The following SYT1 variants were observed in gnomAD, a reference collection of about 807,000 sequenced individuals.
SYT1 encodes the protein synaptotagmin-1.
SYT1 carries 8 observed loss-of-function variants against 44.8 expected under a neutral mutation model. The ratio of observed to expected loss-of-function variants is 0.18; its 90% CI spans 0.10 to 0.32. The LOEUF (loss-of-function observed/expected upper bound fraction) is 0.32. Ranked by LOEUF, SYT1 falls within the 10% of genes least tolerant of loss-of-function variation. The probability of loss-of-function intolerance (pLI) is 1.00; values close to 1 mark genes in which losing one functional copy is unlikely to be tolerated. For synonymous variants in SYT1, 154 were observed against 188.8 expected (o/e 0.82, Z 1.51); for missense variants, 286 against 509.3 (o/e 0.56, Z 4.22).
intron 9 of SYT1, among the ~76,000 whole-genome samples, chr12:79,374,410 T>C (rs1883911553): frequency 1.3e-5 from 2 of 152,242 alleles, no homozygotes; most frequent in Non-Finnish European, 2.9e-5. Context: ...GTTTTGTCTT[T>C]ATAGACCAAC....
intron 1 of SYT1, among the ~76,000 whole-genome samples, chr12:78,927,648 A>C (rs912348688): frequency 6.6e-6 from 1 of 152,188 alleles, no homozygotes; most frequent in African/African-American, 2.4e-5. Context: ...TTCCTTCTTT[A>C]GATGAAATTG....
intron 9 of SYT1, among the ~76,000 whole-genome samples, chr12:79,391,415 C>T (rs753744290): frequency 1.3e-5 from 2 of 152,116 alleles, no homozygotes; most frequent in Non-Finnish European, 2.9e-5. Context: ...TCAAAAATCC[C>T]TTCCCAGTTC....
At chr12:78,892,288 C>T (rs1345720145) in intron 1 of SYT1, among the ~76,000 whole-genome samples, 1 of 151,766 alleles carries the variant, frequency 6.6e-6, no homozygotes, top group Non-Finnish European at 1.5e-5. Context: ...CTACCTACCA[C>T]TAATTTTTAA....
At position 79,163,832 on chromosome 12, in the gene SYT1, T is replaced by C. The variant is rs928208595; in HGVS notation, c.-17-53671T>C. Among the ~76,000 whole-genome samples, 5 of 152,094 alleles carry C rather than the reference T, an allele frequency of 3.3e-5. No homozygotes were observed. The East Asian group carries it at 9.7e-4, about 29-fold the overall frequency. The stretch of plus-strand genomic sequence containing the variant: ...CCCTCATAGTCCACTACTAAGTCTA[T>C]ACTTTTTAGCCTTTTTAAATCAAGG... On this transcript the variant is annotated intron_variant, in intron 3 of 10. Transcript: ENST00000261205.
chr12:79,010,944 A>G (rs945498170), intron 2 of SYT1, among the ~76,000 whole-genome samples: 1 of 152,146 alleles, frequency 6.6e-6, no homozygotes, highest in Non-Finnish European at 1.5e-5. Context: ...TTCCCCTCAA[A>G]GGGAAGGAAG....
Position 78,902,298 on chromosome 12 carries a change from GA to G in SYT1, c.-217+37195del, listed in dbSNP as rs554405706. On this transcript the variant is annotated intron_variant, in intron 1 of 10. Coordinates refer to ENST00000261205, the MANE Select transcript of SYT1 (RefSeq NM_005639.3). ...TGTGTAACTATGCCCACTGATTCTT[GA>G]AAAAATGACAATACATTTGTTTACA... is the stretch of plus-strand genomic sequence containing the variant. 2.7e-4 allele frequency among the ~76,000 whole-genome samples: 41 copies of G among 151,702 alleles called. No individual in the cohort carries two copies. In the South Asian group the frequency reaches 4.2e-3, roughly 15 times the overall value.
At chr12:79,144,420 G>T (rs1261513432) in intron 3 of SYT1, among the ~76,000 whole-genome samples, 1 of 152,194 alleles carries the variant, frequency 6.6e-6, no homozygotes, top group Non-Finnish European at 1.5e-5. Context: ...CGCCCAGAAG[G>T]GCATGTCTCA....
intron 5 of SYT1, 181 bp from the exon 6 acceptor site, chr12:79,291,827 C>T (rs537219247): frequency 7.5e-6 from 6 of 801,102 alleles, no homozygotes; most frequent in Non-Finnish European, 1.3e-5. Flanking sequence ...GAAAGAAATT[C>T]CGTGCACAAA....
intron 3 of SYT1, among the ~76,000 whole-genome samples, chr12:79,062,602 T>C (rs2137850758): frequency 6.6e-6 from 1 of 152,288 alleles, no homozygotes; most frequent in South Asian, 2.1e-4. Context: ...TCTTTAAAAG[T>C]TTAAACTTCA....
At chr12:79,248,623 T>C (rs1019234428) in intron 4 of SYT1, among the ~76,000 whole-genome samples, 1 of 152,078 alleles carries the variant, frequency 6.6e-6, no homozygotes, top group African/African-American at 2.4e-5. Context: ...CCAAAGAAGA[T>C]GGAGAAGGCT....
chr12:79,030,098 C>A (rs1872744240), intron 2 of SYT1, among the ~76,000 whole-genome samples: 1 of 151,120 alleles, frequency 6.6e-6, no homozygotes, highest in African/African-American at 2.4e-5. Flanking sequence ...AATTCACTTT[C>A]TAAATTTTGC....
intron 4 of SYT1, among the ~76,000 whole-genome samples, chr12:79,258,464 A>G (rs973107205): frequency 6.6e-6 from 1 of 152,202 alleles, no homozygotes; most frequent in Non-Finnish European, 1.5e-5. Flanking sequence ...ATTTCTGGGC[A>G]TGTGGGACGC....
chr12:79,160,343 A>G (rs1870872375), intron 3 of SYT1, among the ~76,000 whole-genome samples: 1 of 152,156 alleles, frequency 6.6e-6, no homozygotes, highest in African/African-American at 2.4e-5. Context: ...AAAAGAAGAT[A>G]GAACTAGAGG....
At chr12:79,433,983 G>A (rs1432273806) in intron 9 of SYT1, among the ~76,000 whole-genome samples, 2 of 152,092 alleles carry the variant, frequency 1.3e-5, no homozygotes, top group Admixed American at 1.3e-4. Flanking sequence ...TACATTTTTA[G>A]TCAAGAAGCT....
chr12:79,155,023 G>A (rs1250415089), intron 3 of SYT1, among the ~76,000 whole-genome samples: 1 of 152,080 alleles, frequency 6.6e-6, no homozygotes, highest in Non-Finnish European at 1.5e-5. Context: ...AGGATCTGAT[G>A]AGCAAGAAAA....
intron 4 of SYT1, among the ~76,000 whole-genome samples, chr12:79,276,339 G>A (rs1477171189): frequency 6.6e-6 from 1 of 151,368 alleles, no homozygotes. Flanking sequence ...GGATATAAAT[G>A]AAAAATTATC....
intron 1 of SYT1, among the ~76,000 whole-genome samples, chr12:78,927,353 AC>A (rs1349389981): frequency 3.9e-5 from 6 of 152,008 alleles, no homozygotes; most frequent in Non-Finnish European, 8.8e-5. Flanking sequence ...TCTTTTGAAC[AC>A]CCAATCTTTG....
chr12:78,997,825 G>C (rs1870480339), intron 2 of SYT1, among the ~76,000 whole-genome samples: 1 of 152,138 alleles, frequency 6.6e-6, no homozygotes, highest in Admixed American at 6.6e-5. Flanking sequence ...TCACCCAGCA[G>C]CCTCATGGAA....
In SYT1 at chr12:78,972,058, T is replaced by A. The variant is rs547657486; in HGVS notation, c.-216-5741T>A. ...TGTCTGTTTTACATTCTGTTTCTAA[T>A]ACAATTTGTAATCATTTAATTGTAA... On this transcript the variant is annotated intron_variant, in intron 1 of 10. Coordinates refer to ENST00000261205, the MANE Select transcript of SYT1 (RefSeq NM_005639.3). Among the ~76,000 whole-genome samples, 433 of 152,286 alleles carry A rather than the reference T, an allele frequency of 2.8e-3. 2 individuals are homozygous for A. The highest frequency in any genetic ancestry group is 0.01 in the African/African-American group (422 of 41,570).
Sources: gnomAD v4.1 joint callset for allele counts (sites outside exome capture counted in the v4.1 genomes callset) on GRCh38, gnomAD v4.1.1 for gene constraint, MANE v1.5 for transcripts, NCBI Gene and HGNC (gene_info 2026-07-23, HGNC 2026-07-21) for gene names.